The following DOCK8 variants were observed in gnomAD, a reference collection of about 807,000 sequenced individuals.
DOCK8 encodes dedicator of cytokinesis 8, also known as dedicator of cytokinesis protein 8.
DOCK8 carries 141 observed loss-of-function variants against 245.6 expected under a neutral mutation model. That is an observed-to-expected ratio of 0.57 (90% CI 0.50 to 0.66). The LOEUF (loss-of-function observed/expected upper bound fraction) is 0.66, where lower values mean the gene tolerates loss of function less well. Among genes scored for constraint, DOCK8 ranks in the 30% least tolerant of loss-of-function variants. The pLI is 0.00. For missense variants in DOCK8, 2,965 were observed against 2,603.4 expected, an observed-to-expected ratio of 1.14 and a Z score of -3.02; for synonymous variants, 1,168 against 970.2, an observed-to-expected ratio of 1.20 and a Z score of -3.79.
rs73639208 is a variant in DOCK8 at position 399,311 on chromosome 9, A to G, written c.3234+52A>G. 5.7e-3 allele frequency: 6,673 copies of G among 1,179,704 alleles called. 279 individuals carry two copies. In the African/African-American group the frequency reaches 0.11, roughly 19 times the overall value. The allele number at this position is 1,179,704 out of a possible 1,614,324, so 73.1% of individuals were successfully genotyped here. Reference sequence around the variant, plus strand: ...CGAGCGAGCCACTTGGTTCCTTCTCATATAATGTGATGTTCGTTGCCATGG... The same window carrying G: ...CGAGCGAGCCACTTGGTTCCTTCTCGTATAATGTGATGTTCGTTGCCATGG... On this transcript the variant is annotated intron_variant, in intron 26 of 47. Coordinates refer to ENST00000432829, the MANE Select transcript of DOCK8 (RefSeq NM_203447.4).
At chr9:332,127 T>G (rs1563929976) in intron 9 of DOCK8, among the ~76,000 whole-genome samples, 1 of 152,182 alleles carries the variant, frequency 6.6e-6, no homozygotes, top group Non-Finnish European at 1.5e-5. Flanking sequence ...AAAATAAAAA[T>G]CACACATAAT....
chr9:393,561 G>A (rs2054302475), intron 24 of DOCK8, among the ~76,000 whole-genome samples: 1 of 152,170 alleles, frequency 6.6e-6, no homozygotes, highest in Non-Finnish European at 1.5e-5. Flanking sequence ...CCACTTCACT[G>A]CCCCTAACTG....
intron 14 of DOCK8, chr9:340,550 G>A (rs2051533934): frequency 8.1e-6 from 4 of 494,006 alleles, no homozygotes; most frequent in South Asian, 7.8e-5. Context: ...GAACCCAGGA[G>A]GCAGAGGTTG....
intron 1 of DOCK8, among the ~76,000 whole-genome samples, chr9:243,027 T>G (rs2047414029): frequency 6.6e-6 from 1 of 152,170 alleles, no homozygotes; most frequent in Non-Finnish European, 1.5e-5. Context: ...CAACACTGAC[T>G]TGATTTTTCT....
chr9:253,676 G>T (rs1307830925), intron 1 of DOCK8, among the ~76,000 whole-genome samples: 1 of 152,198 alleles, frequency 6.6e-6, no homozygotes, highest in Non-Finnish European at 1.5e-5. Flanking sequence ...TTGACCAAAA[G>T]CCTTGTCCCA....
rs529401527 is a variant in DOCK8, at chr9:278,408, G to T, written c.156+6679G>T. Among the ~76,000 whole-genome samples the T allele has an allele frequency of 2.7e-4, 41 of 152,314 alleles. 1 individual carries two copies. In the South Asian group the frequency reaches 8.5e-3, roughly 32 times the overall value. On this transcript the variant is annotated intron_variant, in intron 2 of 47. Coordinates refer to ENST00000432829, the MANE Select transcript of DOCK8 (RefSeq NM_203447.4). Reference sequence around the variant, plus strand: ...CATTCGTTTTAGAAATATGTATTGGGTCTCTATGTCAGGAACTGCTGGCAC... The same window carrying T: ...CATTCGTTTTAGAAATATGTATTGGTTCTCTATGTCAGGAACTGCTGGCAC...
At chr9:242,810 G>GT (rs34167682) in intron 1 of DOCK8, among the ~76,000 whole-genome samples, 1,641 of 140,700 alleles carry the variant, frequency 0.012, 14 homozygotes, top group African/African-American at 0.027. Context: ...TGTTGAGCTT[G>GT]TTTTTTTTTT....
Position 397,534 on chromosome 9 carries a change from TG to T in DOCK8, c.3120+602del, listed in dbSNP as rs549385843. On this transcript the variant is annotated intron_variant, in intron 25 of 47. Coordinates refer to ENST00000432829, the MANE Select transcript of DOCK8 (RefSeq NM_203447.4). ...TGAAACCCCGTCTCTACTAAAAATA[TG>T]GAAAATTAGCCGGGTGTAGTGGCAC... Among the ~76,000 whole-genome samples the T allele has an allele frequency of 4.5e-3, 674 of 151,086 alleles. 3 individuals are homozygous for T. The highest frequency in any genetic ancestry group is 0.016 in the African/African-American group (640 of 41,154).
At chr9:382,398 C>G in intron 21 of DOCK8, 115 bp from the exon 22 acceptor site, 1 of 1,444,444 alleles carries the variant, frequency 6.9e-7, no homozygotes, top group Non-Finnish European at 9.7e-7. Context: ...TCTCTAATTC[C>G]AAGGCCTAAT....
At position 230,727 on chromosome 9, in the gene DOCK8, C is replaced by T. The variant is rs1028099655; in HGVS notation, c.53+15698C>T. ...TTGAGAAGTGTTTGTTCATATCCTT[C>T]GCCCACTTTTTGATGGGGTTGTTTG... On this transcript the variant is annotated intron_variant, in intron 1 of 47. Coordinates refer to ENST00000432829, the MANE Select transcript of DOCK8 (RefSeq NM_203447.4). Among the ~76,000 whole-genome samples, 63 of 151,584 alleles carry T rather than the reference C, an allele frequency of 4.2e-4. 1 individual carries two copies. The highest frequency in any genetic ancestry group is 3.4e-3 in the Middle Eastern group (1 of 294).
At chr9:363,159 G>T (rs16935037) in intron 14 of DOCK8, among the ~76,000 whole-genome samples, 1,712 of 152,314 alleles carry the variant, frequency 0.011, 38 homozygotes, top group African/African-American at 0.039. Flanking sequence ...CAAATGTCCA[G>T]TTCTCAATGC....
In DOCK8 at chr9:298,018, C is replaced by CT. The variant is rs1227497559; in HGVS notation, c.405-6562dup. Among the ~76,000 whole-genome samples the CT allele has an allele frequency of 2.0e-5, 3 of 152,284 alleles. No homozygotes were observed. In the South Asian group the frequency reaches 6.2e-4, roughly 32 times the overall value. ...CATGTGAAAAACTCCCACAAACACTCTAACAAAATGGAAGACAGAAAAGAA... is the reference window on the plus strand; with the variant it reads ...CATGTGAAAAACTCCCACAAACACTCTTAACAAAATGGAAGACAGAAAAGAA... On this transcript the variant is annotated intron_variant, in intron 4 of 47. Coordinates refer to ENST00000432829, the MANE Select transcript of DOCK8 (RefSeq NM_203447.4).
intron 7 of DOCK8, among the ~76,000 whole-genome samples, chr9:324,620 T>C (rs1198659134): frequency 6.6e-6 from 1 of 152,194 alleles, no homozygotes; most frequent in Non-Finnish European, 1.5e-5. Context: ...TCAGTGTTTA[T>C]CTGCTGTGCT....
In DOCK8 at chr9:404,996, C is replaced by G. The variant is rs187779900; in HGVS notation, c.3313C>G (p.His1105Asp). 17 of 1,613,956 alleles carry G rather than the reference C, an allele frequency of 1.1e-5. No homozygotes were observed. In the East Asian group the frequency reaches 3.8e-4, roughly 36 times the overall value. The change falls in exon 27 of 48, where the codon CAT becomes GAT. Residue 1105 changes from histidine (H) to aspartate (D), a missense_variant. Coordinates refer to ENST00000432829, the MANE Select transcript of DOCK8 (RefSeq NM_203447.4). Reference sequence around the variant, plus strand: ...CCTGAGAATCCTCTGTAGCCATGAGCATTACCTCAATCTGAACCTTTTTTT... The same window carrying G: ...CCTGAGAATCCTCTGTAGCCATGAGGATTACCTCAATCTGAACCTTTTTTT... ...EFLRILCSHE[H>D]YLNLNLFFMN...
At chr9:416,569 T>A (rs2056022329) in intron 29 of DOCK8, among the ~76,000 whole-genome samples, 1 of 152,198 alleles carries the variant, frequency 6.6e-6, no homozygotes, top group Non-Finnish European at 1.5e-5. Flanking sequence ...AGTATTTTAT[T>A]GTTATAGGTT....
At chr9:392,323 A>G (rs984079671) in intron 24 of DOCK8, among the ~76,000 whole-genome samples, 1 of 152,170 alleles carries the variant, frequency 6.6e-6, no homozygotes, top group Non-Finnish European at 1.5e-5. Flanking sequence ...AATGTGGAAT[A>G]GAGTTCAGAA....
chr9:362,062 T>C (rs2052755931), intron 14 of DOCK8, among the ~76,000 whole-genome samples: 1 of 152,156 alleles, frequency 6.6e-6, no homozygotes. Flanking sequence ...CTCTTTGAGA[T>C]TTTTAAGGCC....
At chr9:306,089 T>C (rs752955689) in intron 5 of DOCK8, among the ~76,000 whole-genome samples, 1 of 152,144 alleles carries the variant, frequency 6.6e-6, no homozygotes, top group Non-Finnish European at 1.5e-5. Flanking sequence ...ATGAGAAAAA[T>C]AAAATTGAGA....
At chr9:230,362 C>T (rs1231284077) in intron 1 of DOCK8, among the ~76,000 whole-genome samples, 4 of 152,178 alleles carry the variant, frequency 2.6e-5, no homozygotes, top group Admixed American at 1.3e-4. Flanking sequence ...TATAAACATA[C>T]GTGTGCATGT....
Sources: allele counts gnomAD v4.1 joint callset (sites outside exome capture counted in the v4.1 genomes callset), GRCh38; gene constraint gnomAD v4.1.1; transcripts MANE v1.5; gene names NCBI Gene and HGNC (gene_info 2026-07-23, HGNC 2026-07-21).